The following MFHAS1 variants were observed in gnomAD, a reference collection of about 807,000 sequenced individuals.
MFHAS1 encodes malignant fibrous histiocytoma-amplified sequence 1.
In MFHAS1, 50 loss-of-function variants were observed where a neutral mutation model predicts 70.4. The observed-to-expected ratio is 0.71, with a 90% CI of 0.57 to 0.90. The LOEUF is 0.90. MFHAS1 is among the 40% of genes least tolerant of loss of function. MFHAS1 has a pLI of 0.00. For synonymous variants in MFHAS1, 952 were observed against 620.0 expected (o/e 1.54, Z -7.96); for missense variants, 1,795 against 1,347.6 (o/e 1.33, Z -5.20).
intron 1 of MFHAS1, among the ~76,000 whole-genome samples, chr8:8,882,508 A>T (rs1458454612): frequency 6.6e-6 from 1 of 152,224 alleles, no homozygotes; most frequent in Non-Finnish European, 1.5e-5. Context: ...GCTACTCAGG[A>T]GGCTGAGGCA....
chr8:8,812,138 T>A (rs1418514961), intron 1 of MFHAS1, among the ~76,000 whole-genome samples: 1 of 150,474 alleles, frequency 6.6e-6, no homozygotes, highest in Non-Finnish European at 1.5e-5. Context: ...GAATATTTTC[T>A]CAATTTTGAG....
chr8:8,798,157 C>G (rs1195131248), intron 1 of MFHAS1, among the ~76,000 whole-genome samples: 1 of 152,218 alleles, frequency 6.6e-6, no homozygotes, highest in Non-Finnish European at 1.5e-5. Flanking sequence ...TGGATGTAAT[C>G]TCTCTTCAAC....
rs1339439984 is a variant in MFHAS1 at position 8,785,502 on chromosome 8, G to C, written c.*520C>G. Reference sequence around the variant, plus strand: ...GTTCTCATGCAGAATATTGCACCCAGTGTGAACTAACGCTAGAAGCTTCAA... The same window carrying C: ...GTTCTCATGCAGAATATTGCACCCACTGTGAACTAACGCTAGAAGCTTCAA... On this transcript the variant is annotated 3_prime_UTR_variant, in exon 3 of 3. Transcript: ENST00000276282. The C allele has an allele frequency of 6.5e-6, 1 of 153,112 alleles. No homozygotes were observed. The highest frequency in any genetic ancestry group is 1.5e-5 in the Non-Finnish European group (1 of 68,474). 9.5% of individuals were successfully genotyped at this position (153,112 alleles called of 1,614,324 possible). A position where few individuals can be genotyped will look rare whatever the true frequency, so the allele number is the denominator to read the frequency against.
chr8:8,855,242 C>T (rs1808393581), intron 1 of MFHAS1, among the ~76,000 whole-genome samples: 1 of 152,214 alleles, frequency 6.6e-6, no homozygotes, highest in Non-Finnish European at 1.5e-5. Flanking sequence ...CGTGAGCCAC[C>T]ACACTCAGCC....
chr8:8,833,915 C>T lies in MFHAS1; in HGVS notation c.2999-36424G>A, dbSNP rs189050310. ...CTGAGGTGGGCGGATCACCTGAGGA[C>T]AGGAGTTCAACACCTGCCTGGCCAA... On this transcript the variant is annotated intron_variant, in intron 1 of 2. Transcript: ENST00000276282. Among the ~76,000 whole-genome samples the T allele has an allele frequency of 5.9e-5, 9 of 152,256 alleles. No individual in the cohort carries two copies. In the East Asian group the frequency reaches 1.5e-3, roughly 26 times the overall value.
At chr8:8,880,336 T>C (rs375254986) in intron 1 of MFHAS1, among the ~76,000 whole-genome samples, 2 of 151,804 alleles carry the variant, frequency 1.3e-5, no homozygotes, top group African/African-American at 4.8e-5. Context: ...ATGTGGCAGG[T>C]GCACAACACT....
At chr8:8,809,531 C>T (rs922576932) in intron 1 of MFHAS1, among the ~76,000 whole-genome samples, 7 of 152,222 alleles carry the variant, frequency 4.6e-5, no homozygotes, top group Non-Finnish European at 7.3e-5. Context: ...GCCACTCACT[C>T]GTCCCACCAC....
chr8:8,881,010 G>A (rs1282241075), intron 1 of MFHAS1, among the ~76,000 whole-genome samples: 1 of 152,044 alleles, frequency 6.6e-6, no homozygotes, highest in South Asian at 2.1e-4. Context: ...GGGTGAAACA[G>A]GCTCCAAACT....
rs767120060 is a variant in MFHAS1, at chr8:8,891,764, T to A, written c.1295A>T (p.Glu432Val). ...TCCTCCTGGGCATCCCTCCACTCTC[T>A]CCTCGGTGAGGCAGTGGCGCAGCAA... ...KTLLRHCLTEERVEGCPGGGD... is the reference protein window; with the variant it reads ...KTLLRHCLTEVRVEGCPGGGD... Residue 432 changes from glutamate (E) to valine (V), a missense_variant, in exon 1 of 3, where the codon GAG becomes GTG. Physicochemically the swap from Glu to Val is moderately radical, Grantham distance 121. Coordinates refer to ENST00000276282, the MANE Select transcript of MFHAS1 (RefSeq NM_004225.3). The surrounding 1 kb of genome is among the most constrained non-coding windows in gnomAD (Gnocchi z 5.4). 6.2e-7 allele frequency: 1 copy of A among 1,613,324 alleles called. No individual in the cohort carries two copies. The highest frequency in any genetic ancestry group is 8.5e-7 in the Non-Finnish European group (1 of 1,180,010).
chr8:8,863,012 T>G (rs773265450), intron 1 of MFHAS1, among the ~76,000 whole-genome samples: 8 of 152,240 alleles, frequency 5.3e-5, no homozygotes, highest in Non-Finnish European at 1.2e-4. Flanking sequence ...CCATTTCAAG[T>G]TAATTTGTGT....
intron 1 of MFHAS1, among the ~76,000 whole-genome samples, chr8:8,858,200 T>A (rs948400108): frequency 6.6e-6 from 1 of 152,082 alleles, no homozygotes; most frequent in Non-Finnish European, 1.5e-5. Context: ...AGGAAGGAAA[T>A]TGTTTAGTAA....
At chr8:8,852,480 CACACACACACACAT>C (rs1027161815) in intron 1 of MFHAS1, among the ~76,000 whole-genome samples, 2 of 129,104 alleles carry the variant, frequency 1.5e-5, no homozygotes, top group African/African-American at 5.1e-5. Context: ...AACACACACA[CACACACACACACAT>C]ACACACAAAC....
intron 1 of MFHAS1, among the ~76,000 whole-genome samples, chr8:8,872,852 G>C (rs1319738700): frequency 6.6e-6 from 1 of 152,168 alleles, no homozygotes; most frequent in Non-Finnish European, 1.5e-5. Flanking sequence ...TGTTTTTCTT[G>C]GGGAGGGGGA....
At chr8:8,842,521 G>A (rs914918255) in intron 1 of MFHAS1, among the ~76,000 whole-genome samples, 1 of 152,002 alleles carries the variant, frequency 6.6e-6, no homozygotes, top group African/African-American at 2.4e-5. Context: ...ACATTTCCTC[G>A]GTACACAGTA....
At chr8:8,866,648 G>C (rs1044311803) in intron 1 of MFHAS1, among the ~76,000 whole-genome samples, 1 of 152,262 alleles carries the variant, frequency 6.6e-6, no homozygotes, top group African/African-American at 2.4e-5. Context: ...CTAGTAAAAA[G>C]GATCCGTGAT....
chr8:8,884,267 T>C (rs1423293752), intron 1 of MFHAS1, among the ~76,000 whole-genome samples: 1 of 152,188 alleles, frequency 6.6e-6, no homozygotes, highest in Admixed American at 6.5e-5. Flanking sequence ...TTTATCCTAG[T>C]GCCTGATTAA....
At chr8:8,832,775 C>G (rs562113756) in intron 1 of MFHAS1, among the ~76,000 whole-genome samples, 1 of 152,076 alleles carries the variant, frequency 6.6e-6, no homozygotes, top group Middle Eastern at 3.4e-3. Context: ...ACTACAGGCA[C>G]ATGCCATTAC....
intron 1 of MFHAS1, among the ~76,000 whole-genome samples, chr8:8,799,169 C>T (rs750607858): frequency 3.0e-4 from 46 of 152,148 alleles, no homozygotes; most frequent in Middle Eastern, 3.4e-3. Context: ...AGGACAGTAC[C>T]GAAGACTATA....
At chr8:8,862,667 T>C (rs548253200) in intron 1 of MFHAS1, among the ~76,000 whole-genome samples, 35 of 152,284 alleles carry the variant, frequency 2.3e-4, no homozygotes, top group African/African-American at 8.4e-4. Context: ...AATTACACAT[T>C]TGTCCAAACT....
Sources: gnomAD v4.1 joint callset for allele counts (sites outside exome capture counted in the v4.1 genomes callset) on GRCh38, gnomAD v4.1.1 for gene constraint, Gnocchi (gnomAD v3.1) non-coding constraint, MANE v1.5 for transcripts, NCBI Gene and HGNC (gene_info 2026-07-23, HGNC 2026-07-21) for gene names.